HIP1: variants seen among roughly 807,000 people sequenced by gnomAD.
HIP1 encodes the protein huntingtin interacting protein 1, also known as huntingtin-interacting protein 1.
HIP1 carries 65 observed loss-of-function variants against 147.6 expected under a neutral mutation model. That is an observed-to-expected ratio of 0.44 (90% confidence interval 0.36 to 0.54). HIP1 has a LOEUF of 0.54. Among genes scored for constraint, HIP1 ranks in the 20% least tolerant of loss-of-function variants. The pLI, the probability that HIP1 is intolerant of heterozygous loss-of-function variation, is 0.00. For missense variants in HIP1, 1,061 were observed against 1,299.6 expected, an observed-to-expected ratio of 0.82 and a Z score of 2.82; for synonymous variants, 479 against 504.0, an observed-to-expected ratio of 0.95 and a Z score of 0.67.
At chr7:75,632,635 C>T (rs1358300821) in intron 1 of HIP1, among the ~76,000 whole-genome samples, 1 of 150,302 alleles carries the variant, frequency 6.7e-6, no homozygotes, top group Non-Finnish European at 1.5e-5. Context: ...TAGGCTCAAG[C>T]GATCCTCCTG....
In HIP1 at chr7:75,685,389, A is replaced by C. The variant is rs141280816; in HGVS notation, c.120+53412T>G. 2.7e-3 allele frequency among the ~76,000 whole-genome samples: 412 copies of C among 152,294 alleles called. 3 individuals carry two copies. The highest frequency in any genetic ancestry group is 9.5e-3 in the African/African-American group (394 of 41,566). On this transcript the variant is annotated intron_variant, in intron 1 of 30. Coordinates refer to ENST00000336926, the MANE Select transcript of HIP1 (RefSeq NM_005338.7). The stretch of plus-strand genomic sequence containing the variant: ...CAACACTTGTTTTGTTGGGCTTTTA[A>C]ATTTCCACTGTGAAATGGTATTGCG...
intron 1 of HIP1, among the ~76,000 whole-genome samples, chr7:75,722,738 G>A (rs1801536348): frequency 6.6e-6 from 1 of 152,042 alleles, no homozygotes; most frequent in Non-Finnish European, 1.5e-5. Context: ...AGACAGCATA[G>A]CACTTGATAA....
intron 29 of HIP1, among the ~76,000 whole-genome samples, chr7:75,539,652 G>C (rs782235172): frequency 5.9e-5 from 9 of 152,000 alleles, no homozygotes; most frequent in Non-Finnish European, 8.8e-5. Context: ...CTCCCTTTCT[G>C]CTGCATTGTG....
At chr7:75,610,207 T>TTTTC (rs1397210704) in intron 1 of HIP1, among the ~76,000 whole-genome samples, 1 of 145,832 alleles carries the variant, frequency 6.9e-6, no homozygotes, top group African/African-American at 2.7e-5. Context: ...CCAGCCCTTT[T>TTTTC]TTTTTTTTTT....
intron 21 of HIP1, among the ~76,000 whole-genome samples, chr7:75,553,792 C>T (rs192658488): frequency 8.5e-5 from 13 of 152,218 alleles, no homozygotes; most frequent in Admixed American, 3.9e-4. Context: ...TTAGTAGAGA[C>T]GGGGTTTCGC....
At chr7:75,643,384 C>A (rs1554510718) in intron 1 of HIP1, among the ~76,000 whole-genome samples, 1 of 152,136 alleles carries the variant, frequency 6.6e-6, no homozygotes, top group African/African-American at 2.4e-5. Context: ...GTAATCCCAG[C>A]ACTTTAGGAG....
At chr7:75,622,790 C>A (rs1278428955) in intron 1 of HIP1, among the ~76,000 whole-genome samples, 1 of 152,010 alleles carries the variant, frequency 6.6e-6, no homozygotes, top group Admixed American at 6.6e-5. Context: ...CTGTAGTGAG[C>A]TATGACTGCG....
intron 7 of HIP1, among the ~76,000 whole-genome samples, chr7:75,577,311 G>T (rs1001735452): frequency 1.5e-5 from 2 of 130,780 alleles, no homozygotes; most frequent in African/African-American, 6.2e-5. Context: ...CAGCCTCGGC[G>T]ACAGAGTGAG....
chr7:75,703,602 C>CA (rs1199276056), intron 1 of HIP1, among the ~76,000 whole-genome samples: 1,497 of 127,742 alleles, frequency 0.012, 23 homozygotes, highest in African/African-American at 0.036. Context: ...AACTCCGTCT[C>CA]AAAAAAAAAA....
chr7:75,655,092 C>T (rs187508596), intron 1 of HIP1, among the ~76,000 whole-genome samples: 1 of 152,354 alleles, frequency 6.6e-6, no homozygotes, highest in East Asian at 1.9e-4. Context: ...AATACTTGCA[C>T]ACCCATGTTC....
chr7:75,553,465 C>G lies in HIP1; in HGVS notation c.2283G>C (p.Lys761Asn), dbSNP rs139201832. Residue 761 changes from lysine to asparagine, a missense_variant, in exon 22 of 31, where the codon AAG (lysine) becomes AAC (asparagine). Lys to Asn is a moderately conservative substitution (Grantham distance 94, BLOSUM62 0). Coordinates refer to ENST00000336926, the MANE Select transcript of HIP1 (RefSeq NM_005338.7). The part of the protein sequence containing the change: ...TAMRNCLSKI[K>N]AIGEELLPRG... ...CTACTCCAAGTACCTCGCCGATGGCCTTGATCTTGCTCAGGCAGTTCCTCA... is the reference window on the plus strand; with the variant it reads ...CTACTCCAAGTACCTCGCCGATGGCGTTGATCTTGCTCAGGCAGTTCCTCA... 8.9e-5 allele frequency: 144 copies of G among 1,613,996 alleles called. No homozygotes were observed. Among genetic ancestry groups the G allele is most frequent in the Non-Finnish European group, 1.2e-4 (138 of 1,180,020 alleles).
At chr7:75,641,365 C>T (rs1207488375) in intron 1 of HIP1, among the ~76,000 whole-genome samples, 1 of 152,130 alleles carries the variant, frequency 6.6e-6, no homozygotes, top group African/African-American at 2.4e-5. Flanking sequence ...TCAAGCAATC[C>T]ACCTGTCTCA....
chr7:75,538,418 C>T (rs587697234), intron 30 of HIP1, among the ~76,000 whole-genome samples, 194 bp from the exon 31 acceptor site: 6 of 152,118 alleles, frequency 3.9e-5, no homozygotes, highest in Admixed American at 1.3e-4. Context: ...CAGTCAAGTC[C>T]ACTAAGAGTG....
intron 1 of HIP1, among the ~76,000 whole-genome samples, chr7:75,697,947 C>G (rs1277556579): frequency 7.2e-5 from 11 of 152,156 alleles, no homozygotes; most frequent in Non-Finnish European, 1.6e-4. Context: ...GTATGTCTCT[C>G]CATTAATTCA....
At chr7:75,550,112 T>C (rs1186006383) in intron 22 of HIP1, among the ~76,000 whole-genome samples, 3 of 152,172 alleles carry the variant, frequency 2.0e-5, no homozygotes, top group African/African-American at 7.2e-5. Context: ...ACCACAGTTA[T>C]GGTAACAAAT....
chr7:75,664,014 A>G lies in HIP1; in HGVS notation c.121-64767T>C, dbSNP rs1378136102. Among the ~76,000 whole-genome samples, 3 of 21,860 alleles carry G rather than the reference A, an allele frequency of 1.4e-4. 1 individual carries two copies. Among genetic ancestry groups the G allele is most frequent in the Admixed American group, 1.1e-3 (2 of 1,740 alleles). The allele number at this position is 21,860 out of a possible 152,430, so 14.3% of individuals were successfully genotyped here. ...TATATACACATATATGTGTATATATATACACATATATGTGTATATATATAC... is the reference window on the plus strand; with the variant it reads ...TATATACACATATATGTGTATATATGTACACATATATGTGTATATATATAC... On this transcript the variant is annotated intron_variant, in intron 1 of 30. Coordinates refer to ENST00000336926, the MANE Select transcript of HIP1 (RefSeq NM_005338.7).
At chr7:75,603,412 G>T (rs963619898) in intron 1 of HIP1, among the ~76,000 whole-genome samples, 1 of 151,622 alleles carries the variant, frequency 6.6e-6, no homozygotes, top group Non-Finnish European at 1.5e-5. Context: ...CTTGCAAGAC[G>T]GTGAGAGAAT....
At chr7:75,636,275 C>T (rs1798425645) in intron 1 of HIP1, among the ~76,000 whole-genome samples, 1 of 150,884 alleles carries the variant, frequency 6.6e-6, no homozygotes, top group African/African-American at 2.4e-5. Context: ...CGCCTGAACC[C>T]GCGAGGCAGA....
intron 1 of HIP1, among the ~76,000 whole-genome samples, chr7:75,728,694 A>G (rs910614945): frequency 6.6e-6 from 1 of 151,116 alleles, no homozygotes; most frequent in Non-Finnish European, 1.5e-5. Context: ...CTTAACGTGC[A>G]GCACCAACCC....
Sources: gnomAD v4.1 joint callset for allele counts (sites outside exome capture counted in the v4.1 genomes callset) on GRCh38, gnomAD v4.1.1 for gene constraint, MANE v1.5 for transcripts, NCBI Gene and HGNC (gene_info 2026-07-23, HGNC 2026-07-21) for gene names.